AFF3: variants seen among roughly 807,000 people sequenced by gnomAD.
AFF3 encodes ALF transcription elongation factor 3.
AFF3 carries 32 observed loss-of-function variants against 129.7 expected under a neutral mutation model. The observed-to-expected ratio is 0.25, with a 90% CI of 0.19 to 0.33. The LOEUF (loss-of-function observed/expected upper bound fraction) is 0.33, where lower values mean the gene tolerates loss of function less well. Ranked by LOEUF, AFF3 falls within the 10% of genes least tolerant of loss-of-function variation. The pLI, the probability that AFF3 is intolerant of heterozygous loss-of-function variation, is 1.00. For synonymous variants in AFF3, 644 were observed against 635.4 expected (o/e 1.01, Z -0.20); for missense variants, 1,373 against 1,592.0 (o/e 0.86, Z 2.34).
At chr2:100,127,401 C>A (rs1692239479) in intron 2 of AFF3, among the ~76,000 whole-genome samples, 1 of 152,100 alleles carries the variant, frequency 6.6e-6, no homozygotes, top group Non-Finnish European at 1.5e-5. Context: ...ACACAAGGTT[C>A]AGAAAGGTTG....
intron 7 of AFF3, among the ~76,000 whole-genome samples, chr2:99,975,165 T>C (rs1050350739): frequency 6.6e-6 from 1 of 152,244 alleles, no homozygotes; most frequent in Non-Finnish European, 1.5e-5. Context: ...CAAAGCTCAC[T>C]GGGTCTTTTC....
chr2:99,930,526 CCTTT>C (rs745982285), intron 7 of AFF3, among the ~76,000 whole-genome samples: 3 of 152,080 alleles, frequency 2.0e-5, no homozygotes, highest in Non-Finnish European at 4.4e-5. Context: ...GCTCCTCCTC[CCTTT>C]CTTTTTCTCT....
At chr2:99,628,954 T>G (rs909351933) in intron 13 of AFF3, among the ~76,000 whole-genome samples, 7 of 152,120 alleles carry the variant, frequency 4.6e-5, no homozygotes, top group Non-Finnish European at 1.0e-4. Flanking sequence ...ACTCCTGACC[T>G]CAGGTGATCT....
At chr2:99,992,992 C>T (rs1355774303) in intron 7 of AFF3, among the ~76,000 whole-genome samples, 3 of 152,178 alleles carry the variant, frequency 2.0e-5, no homozygotes, top group African/African-American at 7.2e-5. Context: ...AGGATATGCC[C>T]TCCCCTTTCT....
At chr2:99,742,134 C>T (rs945034124) in intron 10 of AFF3, among the ~76,000 whole-genome samples, 1 of 152,086 alleles carries the variant, frequency 6.6e-6, no homozygotes, top group Admixed American at 6.5e-5. Flanking sequence ...GGCAAGAGGA[C>T]CGCTTGAGGC....
intron 17 of AFF3, 70 bp from the exon 18 acceptor site, chr2:99,578,521 T>C (rs776656981): frequency 1.3e-6 from 2 of 1,578,502 alleles, no homozygotes; most frequent in Non-Finnish European, 1.7e-6. Flanking sequence ...ATCACATACA[T>C]ACATACGTAG....
chr2:100,131,648 C>T lies in AFF3; in HGVS notation c.-227-2342G>A, dbSNP rs562469190. On this transcript the variant is annotated intron_variant, in intron 1 of 24. Transcript: ENST00000672756. ...CTAATTTTTGTATTTTTAGTAGAGACGGGGTTTCACCATGTTGGGTAGGCT... is the reference window on the plus strand; with the variant it reads ...CTAATTTTTGTATTTTTAGTAGAGATGGGGTTTCACCATGTTGGGTAGGCT... Among the ~76,000 whole-genome samples the T allele has an allele frequency of 9.2e-5, 14 of 152,096 alleles. No individual in the cohort carries two copies. The South Asian group carries it at 1.2e-3, about 14-fold the overall frequency.
In AFF3 at chr2:99,593,719, C is replaced by T; in HGVS notation, c.1942G>A (p.Glu648Lys). 2 of 1,611,122 alleles carry T rather than the reference C, an allele frequency of 1.2e-6. No individual in the cohort carries two copies. The highest frequency in any genetic ancestry group is 1.7e-6 in the Non-Finnish European group (2 of 1,178,532). Residue 648 changes from glutamate to lysine, a missense_variant, in exon 15 of 25, where the codon GAG (glutamate) becomes AAG (lysine). Physicochemically the swap from Glu to Lys is moderately conservative, Grantham distance 56. Around this residue, in one of 9 missense-constraint regions of AFF3, gnomAD observed 466 missense variants for 505.0 expected, o/e 0.92. Transcript: ENST00000672756. ...CTTAGCCCCCGCGTGCGGCGCTTCT[C>T]GCAGGTCACGGAGGAGCGCAGCTCC... ...RKELRSSVTC[E>K]KRRTRGLSRI...
At chr2:99,933,812 A>G (rs575995799) in intron 7 of AFF3, among the ~76,000 whole-genome samples, 1 of 152,300 alleles carries the variant, frequency 6.6e-6, no homozygotes, top group African/African-American at 2.4e-5. Context: ...ACATACATGT[A>G]CATGTGTGAA....
intron 4 of AFF3, among the ~76,000 whole-genome samples, chr2:100,099,766 G>C (rs1690578535): frequency 6.6e-6 from 1 of 152,196 alleles, no homozygotes; most frequent in Non-Finnish European, 1.5e-5. Context: ...CTAAACTGCA[G>C]GTTTCAGCCT....
intron 11 of AFF3, among the ~76,000 whole-genome samples, chr2:99,697,431 T>TGAA (rs1676398538): frequency 6.6e-6 from 1 of 152,210 alleles, no homozygotes; most frequent in Non-Finnish European, 1.5e-5. Flanking sequence ...AGAGCAACTG[T>TGAA]GAAGAGTCCA....
At chr2:99,787,691 T>C (rs1400405321) in intron 8 of AFF3, among the ~76,000 whole-genome samples, 1 of 152,058 alleles carries the variant, frequency 6.6e-6, no homozygotes. Context: ...GGTTTCAAAT[T>C]TGGATGAAGA....
intron 4 of AFF3, among the ~76,000 whole-genome samples, chr2:100,094,367 GA>G (rs1231464211): frequency 1.3e-5 from 2 of 152,114 alleles, no homozygotes; most frequent in Non-Finnish European, 2.9e-5. Context: ...GACAGTTACA[GA>G]TCATCAGGCA....
chr2:100,131,327 C>A (rs1050709148), intron 1 of AFF3, among the ~76,000 whole-genome samples: 1 of 152,184 alleles, frequency 6.6e-6, no homozygotes, highest in Admixed American at 6.5e-5. Flanking sequence ...TAAAGAACTT[C>A]TGCAGCACCC....
intron 18 of AFF3, among the ~76,000 whole-genome samples, chr2:99,570,828 C>T (rs956143491): frequency 2.0e-5 from 3 of 152,232 alleles, no homozygotes; most frequent in African/African-American, 7.2e-5. Flanking sequence ...TCACTTCCCC[C>T]ACCTGGAACA....
chr2:99,637,936 C>CA (rs1683821080), intron 13 of AFF3, among the ~76,000 whole-genome samples: 1 of 152,134 alleles, frequency 6.6e-6, no homozygotes, highest in African/African-American at 2.4e-5. Context: ...AGGAGTGTGA[C>CA]ATAGTGACAA....
chr2:100,012,519 C>T (rs140118280), intron 4 of AFF3, among the ~76,000 whole-genome samples: 1 of 152,286 alleles, frequency 6.6e-6, no homozygotes, highest in Non-Finnish European at 1.5e-5. Context: ...ACCTTTCTAC[C>T]AATACTAAAT....
chr2:99,723,095 T>C (rs1397818722), intron 11 of AFF3, among the ~76,000 whole-genome samples: 2 of 152,222 alleles, frequency 1.3e-5, no homozygotes, highest in Non-Finnish European at 2.9e-5. Context: ...TAGTCTAAGA[T>C]AGGTTCTTCC....
At chr2:99,551,663 T>A in intron 24 of AFF3, 68 bp from the exon 25 acceptor site, 2 of 1,587,426 alleles carry the variant, frequency 1.3e-6, no homozygotes. Context: ...GCAACTGATG[T>A]AAGGAAAAAT....
Sources: gnomAD v4.1 joint callset for allele counts (sites outside exome capture counted in the v4.1 genomes callset) on GRCh38, gnomAD v4.1.1 for gene constraint, gnomAD v4.1.1 regional missense constraint, MANE v1.5 for transcripts, NCBI Gene and HGNC (gene_info 2026-07-23, HGNC 2026-07-21) for gene names.